SLC39A11: variants seen among roughly 807,000 people sequenced by gnomAD.
SLC39A11 encodes solute carrier family 39 member 11.
A neutral mutation model predicts 36.1 loss-of-function variants in SLC39A11; 33 were observed. That is an observed-to-expected ratio of 0.91 (90% CI 0.69 to 1.22). The LOEUF is 1.22. SLC39A11 is among the 50% of genes most tolerant of loss of function. The pLI, the probability that SLC39A11 is intolerant of heterozygous loss-of-function variation, is 0.00. For synonymous variants in SLC39A11, 166 were observed against 170.3 expected (o/e 0.97, Z 0.20); for missense variants, 432 against 430.3 (o/e 1.00, Z -0.03).
chr17:72,975,587 T>C (rs1039177534), intron 4 of SLC39A11, among the ~76,000 whole-genome samples: 7 of 152,226 alleles, frequency 4.6e-5, no homozygotes, highest in African/African-American at 1.7e-4. Context: ...TGCTGCTGCC[T>C]TGACCTTGGA....
chr17:72,788,062 C>A (rs2076578385), intron 6 of SLC39A11, among the ~76,000 whole-genome samples: 1 of 152,224 alleles, frequency 6.6e-6, no homozygotes. Flanking sequence ...ATCCTCAACA[C>A]CTCAAGTAGG....
At chr17:73,052,201 T>G (rs1218861686) in intron 3 of SLC39A11, among the ~76,000 whole-genome samples, 1 of 151,290 alleles carries the variant, frequency 6.6e-6, no homozygotes, top group Non-Finnish European at 1.5e-5. Flanking sequence ...AGAAAGCCTC[T>G]CAGAGGGAAT....
chr17:72,909,883 C>G (rs1161745088), intron 5 of SLC39A11, among the ~76,000 whole-genome samples: 1 of 151,444 alleles, frequency 6.6e-6, no homozygotes, highest in Non-Finnish European at 1.5e-5. Context: ...GTAGCTGGGA[C>G]TCCAGGCGCC....
chr17:72,973,602 T>A (rs2087621349), intron 4 of SLC39A11, among the ~76,000 whole-genome samples: 1 of 152,062 alleles, frequency 6.6e-6, no homozygotes, highest in Non-Finnish European at 1.5e-5. Context: ...TCTGTCACCC[T>A]GGCAGGAGTG....
chr17:72,703,557 G>A (rs2072747618), intron 7 of SLC39A11, among the ~76,000 whole-genome samples: 1 of 152,146 alleles, frequency 6.6e-6, no homozygotes, highest in Non-Finnish European at 1.5e-5. Context: ...ATATGCCCGT[G>A]AAACACACAG....
In SLC39A11 at chr17:72,986,596, C is replaced by T. The variant is rs187948280; in HGVS notation, c.307-38721G>A. Among the ~76,000 whole-genome samples, 467 of 152,360 alleles carry T rather than the reference C, an allele frequency of 3.1e-3. 2 individuals are homozygous for T. The highest frequency in any genetic ancestry group is 8.0e-3 in the Admixed American group (123 of 15,312). ...CTCCATGGATCAGGAGCATCAGCCA[C>T]CTTGACAGCTTGGGAGACACATACA... On this transcript the variant is annotated intron_variant, in intron 4 of 9. Transcript: ENST00000255559.
intron 6 of SLC39A11, among the ~76,000 whole-genome samples, chr17:72,753,072 G>A (rs1468200953): frequency 1.3e-5 from 2 of 151,914 alleles, no homozygotes; most frequent in Non-Finnish European, 2.9e-5. Flanking sequence ...TGGCCAGGCT[G>A]GTCTCGAACT....
chr17:72,741,055 T>C (rs1170236885), intron 6 of SLC39A11, among the ~76,000 whole-genome samples: 1 of 152,042 alleles, frequency 6.6e-6, no homozygotes, highest in Non-Finnish European at 1.5e-5. Context: ...ATTACAAGCA[T>C]GAGCCACTGC....
intron 5 of SLC39A11, among the ~76,000 whole-genome samples, chr17:72,874,678 G>A (rs936772942): frequency 2.0e-5 from 3 of 152,218 alleles, no homozygotes; most frequent in African/African-American, 7.2e-5. Context: ...GGAACACCCT[G>A]AGAGGAAAGA....
chr17:72,715,271 G>A (rs560028487), intron 7 of SLC39A11, among the ~76,000 whole-genome samples: 14 of 152,206 alleles, frequency 9.2e-5, no homozygotes, highest in Non-Finnish European at 1.6e-4. Flanking sequence ...TCAAATTACC[G>A]AATGATTTAG....
At chr17:73,024,048 T>C (rs528333837) in intron 4 of SLC39A11, among the ~76,000 whole-genome samples, 2 of 152,352 alleles carry the variant, frequency 1.3e-5, no homozygotes, top group African/African-American at 4.8e-5. Flanking sequence ...CAACCCTGTA[T>C]GTAGTATTTT....
chr17:72,964,688 G>A (rs552789868), intron 4 of SLC39A11, among the ~76,000 whole-genome samples: 2 of 152,344 alleles, frequency 1.3e-5, no homozygotes, highest in East Asian at 1.9e-4. Context: ...GTGGAAGACA[G>A]TGTGGCAATT....
At chr17:72,905,763 T>TG in intron 5 of SLC39A11, among the ~76,000 whole-genome samples, 1 of 152,000 alleles carries the variant, frequency 6.6e-6, no homozygotes, top group East Asian at 1.9e-4. Flanking sequence ...CAACTCTTTT[T>TG]TTTTTTTTGA....
chr17:72,878,559 T>C (rs941558329), intron 5 of SLC39A11, among the ~76,000 whole-genome samples: 2 of 152,208 alleles, frequency 1.3e-5, no homozygotes, highest in East Asian at 3.9e-4. Flanking sequence ...CTTACTCACA[T>C]GCCATCTTCT....
At chr17:72,879,309 T>C (rs1284873238) in intron 5 of SLC39A11, among the ~76,000 whole-genome samples, 10 of 152,192 alleles carry the variant, frequency 6.6e-5, no homozygotes, top group Non-Finnish European at 1.5e-4. Flanking sequence ...CCAGCCTCCA[T>C]CCTGAAGCTA....
intron 6 of SLC39A11, among the ~76,000 whole-genome samples, chr17:72,832,051 G>A (rs2078307899): frequency 6.6e-6 from 1 of 152,208 alleles, no homozygotes. Flanking sequence ...GTTGGCATAT[G>A]ACAAACCTTG....
chr17:72,694,034 T>G (rs1045173736), intron 7 of SLC39A11, among the ~76,000 whole-genome samples: 1 of 152,088 alleles, frequency 6.6e-6, no homozygotes, highest in Non-Finnish European at 1.5e-5. Context: ...CTCTCCTTGC[T>G]CAGTCTGGGG....
chr17:72,996,084 G>C (rs1001399211), intron 4 of SLC39A11, among the ~76,000 whole-genome samples: 1 of 151,936 alleles, frequency 6.6e-6, no homozygotes, highest in Non-Finnish European at 1.5e-5. Context: ...CTTCACCCCA[G>C]AGCCACCTTT....
At chr17:72,653,431 CTTTTCTTTTCTT>C (rs1186606109) in intron 7 of SLC39A11, among the ~76,000 whole-genome samples, 1,654 of 123,850 alleles carry the variant, frequency 0.013, 35 homozygotes, top group African/African-American at 0.049. Flanking sequence ...TTTTTCTTTT[CTTTTCTTTTCTT>C]TTTTTTTTTT....
Sources: gnomAD v4.1 joint callset for allele counts (sites outside exome capture counted in the v4.1 genomes callset) on GRCh38, gnomAD v4.1.1 for gene constraint, MANE v1.5 for transcripts, NCBI Gene and HGNC (gene_info 2026-07-23, HGNC 2026-07-21) for gene names.